The following SGCD variants were observed in gnomAD, a reference collection of about 807,000 sequenced individuals.
The protein encoded by SGCD is delta-sarcoglycan.
In SGCD, 18 loss-of-function variants were observed where a neutral mutation model predicts 36.6. The ratio of observed to expected loss-of-function variants is 0.49; its 90% confidence interval spans 0.34 to 0.73. The LOEUF (loss-of-function observed/expected upper bound fraction) is 0.73, where lower values mean the gene tolerates loss of function less well. SGCD is among the 30% of genes least tolerant of loss of function. The pLI is 0.01. For synonymous variants in SGCD, 133 were observed against 130.6 expected, an observed-to-expected ratio of 1.02 and a Z score of -0.12; for missense variants, 387 against 346.7, an observed-to-expected ratio of 1.12 and a Z score of -0.92.
At chr5:156,163,077 G>A (rs1470410662) in intron 3 of SGCD, among the ~76,000 whole-genome samples, 2 of 151,550 alleles carry the variant, frequency 1.3e-5, no homozygotes, top group Non-Finnish European at 2.9e-5. Context: ...GTGCATTGCA[G>A]AGACTTTTAA....
chr5:156,741,359 A>T (rs1756663368), intron 7 of SGCD, among the ~76,000 whole-genome samples: 1 of 152,228 alleles, frequency 6.6e-6, no homozygotes, highest in Admixed American at 6.5e-5. Context: ...TTTTCAAAAC[A>T]GACTTTGTGA....
At chr5:156,727,016 A>G (rs1755811468) in intron 7 of SGCD, among the ~76,000 whole-genome samples, 1 of 152,174 alleles carries the variant, frequency 6.6e-6, no homozygotes, top group South Asian at 2.1e-4. Flanking sequence ...TCAAATATCT[A>G]TAGGATAGTG....
At chr5:156,206,644 A>G (rs144179952) in intron 3 of SGCD, among the ~76,000 whole-genome samples, 5 of 152,102 alleles carry the variant, frequency 3.3e-5, no homozygotes, top group Non-Finnish European at 4.4e-5. Flanking sequence ...AAGTTTTACC[A>G]AGGCAAGTAT....
chr5:156,670,199 T>C (rs1239635471), intron 7 of SGCD, among the ~76,000 whole-genome samples: 2 of 152,198 alleles, frequency 1.3e-5, no homozygotes, highest in Non-Finnish European at 2.9e-5. Flanking sequence ...TATAAAATTG[T>C]GCTTTTATCC....
At chr5:155,861,853 A>T in the SGCD span, among the ~76,000 whole-genome samples, 38 of 152,328 alleles carry the variant, frequency 2.5e-4, no homozygotes, top group African/African-American at 8.7e-4. Flanking sequence ...GTGAGGAGGG[A>T]TCATAATATT....
intron 4 of SGCD, among the ~76,000 whole-genome samples, chr5:156,574,344 T>C (rs1366349668): frequency 2.0e-5 from 3 of 152,200 alleles, no homozygotes; most frequent in Admixed American, 1.3e-4. Context: ...TTTAAAAATA[T>C]AAGTCCAGAG....
chr5:156,418,039 G>A (rs773972400), intron 3 of SGCD, among the ~76,000 whole-genome samples: 1 of 152,094 alleles, frequency 6.6e-6, no homozygotes, highest in Non-Finnish European at 1.5e-5. Flanking sequence ...TACAAAGATC[G>A]TAGAAGATCG....
intron 1 of SGCD, among the ~76,000 whole-genome samples, chr5:155,999,061 C>T (rs1758613277): frequency 1.3e-5 from 2 of 152,208 alleles, no homozygotes; most frequent in South Asian, 4.1e-4. Context: ...CCCCACTCCT[C>T]CAACTCCCAC....
At chr5:155,762,146 A>G in the SGCD span, among the ~76,000 whole-genome samples, 1 of 152,142 alleles carries the variant, frequency 6.6e-6, no homozygotes, top group Non-Finnish European at 1.5e-5. Context: ...ACAATTATAC[A>G]ATTTGTTCTT....
intron 3 of SGCD, among the ~76,000 whole-genome samples, chr5:156,126,560 C>A (rs1327379205): frequency 6.6e-6 from 1 of 152,100 alleles, no homozygotes; most frequent in Non-Finnish European, 1.5e-5. Flanking sequence ...AAAGATGTGC[C>A]TGTGTCTGTT....
the SGCD span, among the ~76,000 whole-genome samples, chr5:155,775,110 A>T: frequency 2.0e-5 from 3 of 152,180 alleles, no homozygotes; most frequent in Non-Finnish European, 2.9e-5. Context: ...CAGTGAGGGT[A>T]ATATTTAGCA....
chr5:155,788,049 C>T, the SGCD span, among the ~76,000 whole-genome samples: 3 of 152,036 alleles, frequency 2.0e-5, no homozygotes, highest in Non-Finnish European at 2.9e-5. Flanking sequence ...TCTCACCAAC[C>T]AAAGATATCC....
At chr5:156,340,130 T>C (rs1768569806) in intron 2 of SGCD, among the ~76,000 whole-genome samples, 2 of 152,220 alleles carry the variant, frequency 1.3e-5, no homozygotes, top group Non-Finnish European at 2.9e-5. Context: ...ACAATTCTCA[T>C]ACAAAATAAA....
intron 7 of SGCD, among the ~76,000 whole-genome samples, chr5:156,695,529 ATAGATAGATAGATAG>A (rs1289976582): frequency 1.5e-4 from 19 of 129,150 alleles, no homozygotes; most frequent in African/African-American, 5.5e-4. Context: ...AGATAGATAG[ATAGATAGATAGATAG>A]ATAGATAGAT....
rs115993843 is a variant in SGCD at position 156,720,188 on chromosome 5, A to G, written c.576-37393A>G. On this transcript the variant is annotated intron_variant, in intron 7 of 8. Transcript: ENST00000337851. ...ATGAACAGTCACCGAGCATCAATTC[A>G]ACAAATGGATATTGAGCACCAATTA... Among the ~76,000 whole-genome samples the G allele has an allele frequency of 1.7e-3, 266 of 152,322 alleles. 1 individual carries two copies. Among genetic ancestry groups the G allele is most frequent in the Non-Finnish European group, 2.6e-3 (180 of 68,032 alleles).
chr5:156,169,155 A>G (rs773852948), intron 3 of SGCD, among the ~76,000 whole-genome samples: 30 of 152,160 alleles, frequency 2.0e-4, no homozygotes, highest in Non-Finnish European at 2.9e-4. Context: ...CTGCAACCCA[A>G]CTGCTTCTTT....
chr5:156,149,113 T>G (rs1762774644), intron 3 of SGCD, among the ~76,000 whole-genome samples: 1 of 152,192 alleles, frequency 6.6e-6, no homozygotes, highest in Non-Finnish European at 1.5e-5. Context: ...TGATTGCTAA[T>G]GGGAACCTGG....
At chr5:155,816,739 G>T in the SGCD span, among the ~76,000 whole-genome samples, 5 of 152,146 alleles carry the variant, frequency 3.3e-5, no homozygotes, top group Non-Finnish European at 7.4e-5. Context: ...ACAAGGCAGG[G>T]TCATGACTTG....
Position 156,647,741 on chromosome 5 carries a change from G to T in SGCD, c.575+205G>T, listed in dbSNP as rs576593385. On this transcript the variant is annotated intron_variant, in intron 7 of 8. Coordinates refer to ENST00000337851, the MANE Select transcript of SGCD (RefSeq NM_000337.6). ...ATTGAGGATCTGGATGGGGTAAAAGGTTGCCCACTTTGTGAAATCTAGATT... is the reference window on the plus strand; with the variant it reads ...ATTGAGGATCTGGATGGGGTAAAAGTTTGCCCACTTTGTGAAATCTAGATT... Among the ~76,000 whole-genome samples the T allele has an allele frequency of 3.9e-5, 6 of 152,184 alleles. No individual in the cohort carries two copies. The South Asian group carries it at 1.0e-3, about 26-fold the overall frequency.
Sources: allele counts gnomAD v4.1 joint callset (sites outside exome capture counted in the v4.1 genomes callset), GRCh38; gene constraint gnomAD v4.1.1; transcripts MANE v1.5; gene names NCBI Gene and HGNC (gene_info 2026-07-23, HGNC 2026-07-21).